Variants in PAIP1 observed in about 807,000 individuals in gnomAD.
PAIP1 encodes poly(A) binding protein interacting protein 1.
PAIP1 carries 16 observed loss-of-function variants against 61.3 expected under a neutral mutation model. That is an observed-to-expected ratio of 0.26 (90% confidence interval 0.18 to 0.40). The LOEUF is 0.40. PAIP1 is among the 10% of genes least tolerant of loss of function. PAIP1 has a pLI of 1.00. For missense variants in PAIP1, 416 were observed against 600.9 expected (o/e 0.69, Z 3.22); for synonymous variants, 187 against 226.2 (o/e 0.83, Z 1.56).
intron 1 of PAIP1, 162 bp downstream of exon 1, chr5:43,556,420 G>A (rs746792234): frequency 3.4e-4 from 411 of 1,221,664 alleles, no homozygotes; most frequent in Non-Finnish European, 4.1e-4. Flanking sequence ...TTCCAAACCC[G>A]GTTCCGGGCC....
At chr5:43,556,206 C>T (rs1325456775) in intron 1 of PAIP1, 6 of 1,331,630 alleles carry the variant, frequency 4.5e-6, no homozygotes, top group Non-Finnish European at 5.7e-6. Context: ...GGCATACCTG[C>T]CTCTCAAATG....
intron 3 of PAIP1, among the ~76,000 whole-genome samples, chr5:43,545,394 C>T (rs1320607890): frequency 3.9e-5 from 6 of 152,210 alleles, no homozygotes; most frequent in Admixed American, 1.3e-4. Context: ...CTCTTTTTGA[C>T]AGAGTACGTC....
In PAIP1 at chr5:43,556,926, T is replaced by A; in HGVS notation, c.-80A>T. 1 of 1,311,544 alleles carries A rather than the reference T, an allele frequency of 7.6e-7. No individual in the cohort carries two copies. The highest frequency in any genetic ancestry group is 1.6e-5 in the African/African-American group (1 of 64,444). The allele number at this position is 1,311,544 out of a possible 1,614,324, so 81.2% of individuals were successfully genotyped here. ...GGACGCGGGGGGAAGGCGCCGCGGG[T>A]CGGCTATAGCCGCCGCGCCTCACTC... On this transcript the variant is annotated 5_prime_UTR_variant, in exon 1 of 11. Transcript: ENST00000306846.
intron 2 of PAIP1, 150 bp from the exon 3 acceptor site, chr5:43,548,063 T>C: frequency 1.7e-6 from 1 of 577,022 alleles, no homozygotes; most frequent in Non-Finnish European, 3.0e-6. Context: ...GAGCTATTTT[T>C]CTTCCTTGCC....
intron 2 of PAIP1, among the ~76,000 whole-genome samples, chr5:43,553,630 CCTG>C (rs1218960933): frequency 6.6e-6 from 1 of 152,140 alleles, no homozygotes. Flanking sequence ...AAAAAAGGAT[CCTG>C]CTGTTCTATG....
chr5:43,547,042 CA>C lies in PAIP1; in HGVS notation c.621+685del, dbSNP rs766493987. 4.6e-3 allele frequency among the ~76,000 whole-genome samples: 163 copies of C among 35,618 alleles called. 2 individuals are homozygous for C. The highest frequency in any genetic ancestry group is 0.021 in the African/African-American group (152 of 7,266). 23.4% of individuals were successfully genotyped at this position (35,618 alleles called of 152,430 possible). A position where few individuals can be genotyped will look rare whatever the true frequency, so the allele number is the denominator to read the frequency against. On this transcript the variant is annotated intron_variant, in intron 3 of 10. Coordinates refer to ENST00000306846, the MANE Select transcript of PAIP1 (RefSeq NM_006451.5). ...TGGGAGACAGGGCAAGACTCCATAT[CA>C]AAAAAAAAAAAAAAAAAAAAAAAAA...
At chr5:43,553,506 C>G (rs1747944243) in intron 2 of PAIP1, among the ~76,000 whole-genome samples, 1 of 152,162 alleles carries the variant, frequency 6.6e-6, no homozygotes, top group Non-Finnish European at 1.5e-5. Flanking sequence ...CGGTGCTTGA[C>G]TCATGATAAG....
At chr5:43,556,115 T>C (rs1207082711) in intron 1 of PAIP1, 116 bp from the exon 2 acceptor site, 19 of 1,454,546 alleles carry the variant, frequency 1.3e-5, no homozygotes, top group Non-Finnish European at 1.6e-5. Context: ...ACAGGAACCA[T>C]CATGAAATTT....
chr5:43,533,129 G>A (rs2112381712), intron 9 of PAIP1, among the ~76,000 whole-genome samples: 1 of 152,294 alleles, frequency 6.6e-6, no homozygotes, highest in East Asian at 1.9e-4. Flanking sequence ...GACAGTCAAT[G>A]CTTGGAATCC....
At chr5:43,532,456 ACAACAGG>A (rs919765823) in intron 9 of PAIP1, among the ~76,000 whole-genome samples, 4 of 152,210 alleles carry the variant, frequency 2.6e-5, no homozygotes, top group Non-Finnish European at 5.9e-5. Flanking sequence ...AATTGTTGAG[ACAACAGG>A]CAATGGAAAA....
intron 4 of PAIP1, 150 bp from the exon 5 acceptor site, chr5:43,539,185 A>T: frequency 1.7e-6 from 1 of 582,950 alleles, no homozygotes; most frequent in Admixed American, 2.9e-5. Flanking sequence ...GTTCCTGACT[A>T]TTGAAGAGGC....
At chr5:43,538,465 A>G (rs1747246381) in intron 5 of PAIP1, among the ~76,000 whole-genome samples, 1 of 151,832 alleles carries the variant, frequency 6.6e-6, no homozygotes, top group South Asian at 2.1e-4. Context: ...TTTGTCAATT[A>G]AAAAAATATT....
At chr5:43,534,717 T>C in intron 8 of PAIP1, 136 bp downstream of exon 8, 1 of 620,116 alleles carries the variant, frequency 1.6e-6, no homozygotes, top group Non-Finnish European at 2.9e-6. Context: ...CCCAGTCTGA[T>C]GGCTGCCATG....
At chr5:43,550,008 G>A (rs1747800889) in intron 2 of PAIP1, among the ~76,000 whole-genome samples, 1 of 152,164 alleles carries the variant, frequency 6.6e-6, no homozygotes, top group Non-Finnish European at 1.5e-5. Context: ...ACAGGCGAGA[G>A]CCACCATGCC....
In PAIP1 at chr5:43,534,943, A is replaced by C; in HGVS notation, c.1107T>G (p.Leu369=). ...SRDVKQMLLK[L]VELRSSNWGR... ...CCCAGTTACTTGACCGGAGTTCTACAAGCTTCAAGAGCATCTGTTTTACAT... is the reference window on the plus strand; with the variant it reads ...CCCAGTTACTTGACCGGAGTTCTACCAGCTTCAAGAGCATCTGTTTTACAT... The change falls in exon 8 of 11, where the codon CTT becomes CTG. Residue 369 remains leucine (L), a synonymous_variant. Transcript: ENST00000306846. The C allele has an allele frequency of 6.2e-7, 1 of 1,606,418 alleles. No individual in the cohort carries two copies. Among genetic ancestry groups the C allele is most frequent in the Non-Finnish European group, 8.5e-7 (1 of 1,173,028 alleles).
At chr5:43,545,104 C>A (rs1463210270) in intron 3 of PAIP1, among the ~76,000 whole-genome samples, 1 of 152,214 alleles carries the variant, frequency 6.6e-6, no homozygotes, top group Admixed American at 6.5e-5. Context: ...TCCCTAGATT[C>A]AGTTTTTACT....
At chr5:43,540,385 A>G (rs896146321) in intron 4 of PAIP1, among the ~76,000 whole-genome samples, 1 of 122,464 alleles carries the variant, frequency 8.2e-6, no homozygotes, top group Non-Finnish European at 1.9e-5. Flanking sequence ...AGTTGATGAA[A>G]TAACTTTTTT....
At chr5:43,543,791 TAAAG>T (rs1747518326) in intron 3 of PAIP1, among the ~76,000 whole-genome samples, 2 of 151,630 alleles carry the variant, frequency 1.3e-5, no homozygotes. Flanking sequence ...TTGCAATTTC[TAAAG>T]AATAGTAGAG....
intron 2 of PAIP1, among the ~76,000 whole-genome samples, chr5:43,549,710 T>C (rs559590628): frequency 1.3e-5 from 2 of 152,120 alleles, no homozygotes; most frequent in South Asian, 4.2e-4. Flanking sequence ...CACTTTTTAT[T>C]TTATCTTTAT....
Sources: gnomAD v4.1 joint callset for allele counts (sites outside exome capture counted in the v4.1 genomes callset) on GRCh38, gnomAD v4.1.1 for gene constraint, MANE v1.5 for transcripts, NCBI Gene and HGNC (gene_info 2026-07-23, HGNC 2026-07-21) for gene names.